The following PKP4 variants were observed in gnomAD, a reference collection of about 807,000 sequenced individuals.
PKP4 encodes plakophilin-4.
Under a neutral mutation model 145.1 loss-of-function variants are expected in PKP4, and 90 were observed. The observed-to-expected ratio is 0.62, with a 90% CI of 0.52 to 0.74. PKP4 has a LOEUF of 0.74. PKP4 is among the 30% of genes least tolerant of loss of function. The pLI, the probability that PKP4 is intolerant of heterozygous loss-of-function variation, is 0.00. For missense variants in PKP4, 1,340 were observed against 1,482.7 expected (o/e 0.90, Z 1.58); for synonymous variants, 563 against 577.2 (o/e 0.98, Z 0.35).
chr2:158,563,164 A>G (rs1364115893), intron 2 of PKP4, among the ~76,000 whole-genome samples: 5 of 152,130 alleles, frequency 3.3e-5, no homozygotes, highest in Admixed American at 2.0e-4. Flanking sequence ...ATTTTCTTTG[A>G]TAGGTCAGAA....
chr2:158,654,597 C>T (rs985128473), intron 11 of PKP4, among the ~76,000 whole-genome samples: 16 of 152,140 alleles, frequency 1.1e-4, no homozygotes, highest in Non-Finnish European at 1.8e-4. Context: ...CAACTGGATT[C>T]TCCTATCCCC....
At chr2:158,665,302 C>A (rs1259558548) in intron 15 of PKP4, among the ~76,000 whole-genome samples, 2 of 152,234 alleles carry the variant, frequency 1.3e-5, no homozygotes, top group South Asian at 2.1e-4. Context: ...TGCCTAGTAA[C>A]CAGTCATGTA....
rs2053391261 is a variant in PKP4 at position 158,631,843 on chromosome 2, A to G, written c.1244A>G (p.Tyr415Cys). 1.2e-6 allele frequency: 2 copies of G among 1,614,082 alleles called. No homozygotes were observed. The highest frequency in any genetic ancestry group is 1.7e-6 in the Non-Finnish European group (2 of 1,179,976). ...CCCGACTTGCACATTACTCCTATAT[A>G]TGAGGGGAGGACCTATTACAGCCCA... ...VSPDLHITPIYEGRTYYSPVY... is the reference protein window; with the variant it reads ...VSPDLHITPICEGRTYYSPVY... Residue 415 changes from tyrosine (Y) to cysteine (C), a missense_variant, in exon 8 of 22, where the codon TAT becomes TGT. Physicochemically the swap from Tyr to Cys is radical, Grantham distance 194 (BLOSUM62 -2). Transcript: ENST00000389759.
chr2:158,602,435 G>GT (rs762782944), intron 3 of PKP4, among the ~76,000 whole-genome samples: 4 of 152,154 alleles, frequency 2.6e-5, no homozygotes, highest in Non-Finnish European at 5.9e-5. Flanking sequence ...CACTGTCCCT[G>GT]TAACACCATG....
chr2:158,669,923 T>G lies in PKP4; in HGVS notation c.2924+8T>G. On this transcript the variant is annotated splice_region_variant and intron_variant, in intron 17 of 21. Transcript: ENST00000389759. ...CAAAGGCAGGGGCGACAGGCAAGTCTGCGGCAAGGAGGTGCAAGCAGTGCT... is the reference window on the plus strand; with the variant it reads ...CAAAGGCAGGGGCGACAGGCAAGTCGGCGGCAAGGAGGTGCAAGCAGTGCT... 2 of 1,603,790 alleles carry G rather than the reference T, an allele frequency of 1.2e-6. No homozygotes were observed. Among genetic ancestry groups the G allele is most frequent in the Non-Finnish European group, 1.7e-6 (2 of 1,173,486 alleles).
intron 4 of PKP4, among the ~76,000 whole-genome samples, chr2:158,608,280 C>CT (rs569826029): frequency 1.6e-3 from 245 of 151,990 alleles, no homozygotes; most frequent in African/African-American, 5.8e-3. Flanking sequence ...GTTTTCAAAT[C>CT]TTTTTTTTAC....
At chr2:158,623,323 T>C (rs1403349325) in intron 6 of PKP4, among the ~76,000 whole-genome samples, 1 of 152,088 alleles carries the variant, frequency 6.6e-6, no homozygotes, top group Non-Finnish European at 1.5e-5. Context: ...TGCAGGCACA[T>C]GCCACCATGC....
At chr2:158,619,446 A>C (rs2051980685) in intron 4 of PKP4, among the ~76,000 whole-genome samples, 1 of 152,224 alleles carries the variant, frequency 6.6e-6, no homozygotes, top group Non-Finnish European at 1.5e-5. Flanking sequence ...AATGTCAGCT[A>C]ATCTTTCCAG....
At chr2:158,586,747 G>A (rs1166460842) in intron 3 of PKP4, among the ~76,000 whole-genome samples, 1 of 152,176 alleles carries the variant, frequency 6.6e-6, no homozygotes, top group East Asian at 1.9e-4. Context: ...AGAGCAGTTT[G>A]CTCAACCACA....
At chr2:158,662,660 C>T (rs543278496) in intron 13 of PKP4, 9 of 353,528 alleles carry the variant, frequency 2.5e-5, no homozygotes, top group Admixed American at 8.5e-5. Flanking sequence ...TCAAGCATTT[C>T]GGTCGGCATG....
At chr2:158,494,946 C>T (rs1386797136) in intron 1 of PKP4, among the ~76,000 whole-genome samples, 1 of 151,858 alleles carries the variant, frequency 6.6e-6, no homozygotes, top group Admixed American at 6.6e-5. Context: ...TGGCCGGGCG[C>T]GGTGGCTCAC....
intron 4 of PKP4, among the ~76,000 whole-genome samples, chr2:158,614,040 T>C (rs933161579): frequency 6.6e-6 from 1 of 152,098 alleles, no homozygotes; most frequent in Non-Finnish European, 1.5e-5. Context: ...GCTTGACGAG[T>C]ACAAGCCAAC....
intron 7 of PKP4, among the ~76,000 whole-genome samples, chr2:158,628,597 A>G (rs1330136180): frequency 1.3e-5 from 2 of 152,238 alleles, no homozygotes; most frequent in South Asian, 2.1e-4. Context: ...AGTAATTCCA[A>G]TTTACTAATG....
At chr2:158,505,829 G>A (rs1232714031) in intron 1 of PKP4, among the ~76,000 whole-genome samples, 1 of 151,994 alleles carries the variant, frequency 6.6e-6, no homozygotes, top group Non-Finnish European at 1.5e-5. Flanking sequence ...GGGATAGAGT[G>A]CTGCTGTCCC....
intron 1 of PKP4, among the ~76,000 whole-genome samples, chr2:158,498,632 G>A (rs1360282385): frequency 1.3e-5 from 2 of 152,120 alleles, no homozygotes; most frequent in Admixed American, 6.5e-5. Context: ...ATCTTCCCCA[G>A]GATATTTCTT....
chr2:158,476,982 G>T (rs886530759), intron 1 of PKP4, among the ~76,000 whole-genome samples: 10 of 152,126 alleles, frequency 6.6e-5, no homozygotes, highest in Non-Finnish European at 1.5e-4. Flanking sequence ...CATTTACAAA[G>T]AATTATATTC....
chr2:158,579,521 G>A (rs896316979), intron 3 of PKP4, among the ~76,000 whole-genome samples: 1 of 151,832 alleles, frequency 6.6e-6, no homozygotes, highest in South Asian at 2.1e-4. Flanking sequence ...GAGCAAAAGA[G>A]TAGGGTTTCA....
Position 158,620,979 on chromosome 2 carries a change from T to C in PKP4, c.281-11T>C, listed in dbSNP as rs754834164. ...TATTATATTTAGCTGATTAAACTTT[T>C]CTTGTTACAGACGTGCCAAATACTG... On this transcript the variant is annotated splice_polypyrimidine_tract_variant and intron_variant, in intron 4 of 21. Transcript: ENST00000389759. 6.2e-7 allele frequency: 1 copy of C among 1,612,210 alleles called. No homozygotes were observed. Among genetic ancestry groups the C allele is most frequent in the East Asian group, 2.2e-5 (1 of 44,856 alleles).
intron 2 of PKP4, among the ~76,000 whole-genome samples, chr2:158,553,703 AT>A (rs201014561): frequency 2.6e-5 from 4 of 151,118 alleles, no homozygotes; most frequent in African/African-American, 7.3e-5. Flanking sequence ...TATTCTTTAC[AT>A]TTTTTTTTCC....
Sources: allele counts gnomAD v4.1 joint callset (sites outside exome capture counted in the v4.1 genomes callset), GRCh38; gene constraint gnomAD v4.1.1; transcripts MANE v1.5; gene names NCBI Gene and HGNC (gene_info 2026-07-23, HGNC 2026-07-21).